The following HELB variants were observed in gnomAD, a reference collection of about 807,000 sequenced individuals.
The protein encoded by HELB is DNA 5'-3' helicase B.
Under a neutral mutation model 101.7 loss-of-function variants are expected in HELB, and 96 were observed. The observed-to-expected ratio is 0.94, with a 90% CI of 0.80 to 1.12. The LOEUF (loss-of-function observed/expected upper bound fraction) is 1.12. HELB is among the 50% of genes most tolerant of loss of function. The pLI, the probability that HELB is intolerant of heterozygous loss-of-function variation, is 0.00. For synonymous variants in HELB, 437 were observed against 459.7 expected, an observed-to-expected ratio of 0.95 and a Z score of 0.63; for missense variants, 1,210 against 1,291.9, an observed-to-expected ratio of 0.94 and a Z score of 0.97.
At chr12:66,326,575 G>C (rs765456942) in intron 11 of HELB, among the ~76,000 whole-genome samples, 41 of 152,110 alleles carry the variant, frequency 2.7e-4, no homozygotes, top group Non-Finnish European at 5.1e-4. Context: ...ATTTAGGTCA[G>C]CCCAAATTTT....
intron 9 of HELB, 90 bp downstream of exon 9, chr12:66,322,873 A>G: frequency 1.3e-6 from 1 of 756,400 alleles, no homozygotes; most frequent in South Asian, 1.8e-5. Context: ...TCACCTATTT[A>G]CATATATTCC....
chr12:66,324,697 A>G (rs1326824929), intron 10 of HELB, among the ~76,000 whole-genome samples: 3 of 152,238 alleles, frequency 2.0e-5, no homozygotes, highest in African/African-American at 7.2e-5. Context: ...AGTCAATACA[A>G]GAAATGAATG....
In HELB at chr12:66,325,133, G is replaced by A. The variant is rs1290591623; in HGVS notation, c.2670+7G>A. On this transcript the variant is annotated splice_region_variant and intron_variant, in intron 11 of 12. Transcript: ENST00000247815. ...AACTATTCACACTTTTCAGGTAAGA[G>A]GAGACTTTTATCAAACCTTTTAAAT... The A allele has an allele frequency of 1.9e-6, 3 of 1,571,204 alleles. No individual in the cohort carries two copies. The highest frequency in any genetic ancestry group is 2.7e-5 in the African/African-American group (2 of 73,548).
chr12:66,320,967 A>G (rs1292257569), intron 7 of HELB, among the ~76,000 whole-genome samples: 1 of 152,228 alleles, frequency 6.6e-6, no homozygotes, highest in African/African-American at 2.4e-5. Context: ...TAAAAAGAAC[A>G]GTATGCTGGG....
intron 4 of HELB, among the ~76,000 whole-genome samples, chr12:66,312,197 C>G (rs569825010): frequency 6.6e-6 from 1 of 152,298 alleles, no homozygotes; most frequent in South Asian, 2.1e-4. Context: ...AAACATTTTG[C>G]CTAAGATCTC....
downstream of HELB, chr12:66,340,579 G>C (rs1480058600): frequency 6.7e-6 from 1 of 149,844 alleles, no homozygotes; most frequent in Non-Finnish European, 1.3e-5. Context: ...GGGTACCCTA[G>C]AGGGATACAA....
At chr12:66,318,532 A>G (rs1194224434) in intron 6 of HELB, 106 bp from the exon 7 acceptor site, 16 of 1,008,248 alleles carry the variant, frequency 1.6e-5, no homozygotes, top group Non-Finnish European at 2.2e-5. Flanking sequence ...TCTCTCTGTT[A>G]TCTATTAATA....
At position 66,302,511 on chromosome 12, in the gene HELB, G is replaced by A; in HGVS notation, c.-93G>A. The A allele has an allele frequency of 8.5e-7, 1 of 1,177,830 alleles. No individual in the cohort carries two copies. The highest frequency in any genetic ancestry group is 1.2e-6 in the Non-Finnish European group (1 of 849,562). 73.0% of individuals were successfully genotyped at this position (1,177,830 alleles called of 1,614,324 possible). A position where few individuals can be genotyped will look rare whatever the true frequency, so the allele number is the denominator to read the frequency against. On this transcript the variant is annotated 5_prime_UTR_variant, in exon 1 of 13. Transcript: ENST00000247815. The stretch of plus-strand genomic sequence containing the variant: ...GGCCGCCAGGCCGTTCCCGGAAGTT[G>A]ATGGCCTTACAGTCGTAGAACTGAT...
At chr12:66,333,988 C>G (rs1217420181) in intron 12 of HELB, among the ~76,000 whole-genome samples, 1 of 151,778 alleles carries the variant, frequency 6.6e-6, no homozygotes, top group Non-Finnish European at 1.5e-5. Context: ...GGTGAACCCC[C>G]ATCTCTACTA....
chr12:66,320,288 C>A (rs1229438792), intron 7 of HELB, among the ~76,000 whole-genome samples: 2 of 152,130 alleles, frequency 1.3e-5, no homozygotes, highest in African/African-American at 2.4e-5. Flanking sequence ...CCAGGACAAT[C>A]CCATTAAGGT....
downstream of HELB, chr12:66,342,018 G>A (rs969325612): frequency 6.6e-6 from 1 of 152,172 alleles, no homozygotes; most frequent in Non-Finnish European, 1.5e-5. Flanking sequence ...GATGACCAGT[G>A]TATCTGTTTT....
intron 12 of HELB, among the ~76,000 whole-genome samples, chr12:66,333,666 A>G (rs1228980061): frequency 6.6e-6 from 1 of 152,174 alleles, no homozygotes; most frequent in Admixed American, 6.5e-5. Flanking sequence ...CATGGGCAAC[A>G]AGAGCAAAAC....
At chr12:66,311,917 C>A (rs773092138) in intron 4 of HELB, among the ~76,000 whole-genome samples, 12 of 152,092 alleles carry the variant, frequency 7.9e-5, no homozygotes, top group Non-Finnish European at 1.6e-4. Context: ...AACATGGAGA[C>A]TCAGGTGAGG....
At chr12:66,323,680 G>T (rs375465085) in intron 9 of HELB, among the ~76,000 whole-genome samples, 1 of 152,176 alleles carries the variant, frequency 6.6e-6, no homozygotes, top group Non-Finnish European at 1.5e-5. Flanking sequence ...ATCAAAATTT[G>T]TGTTAACCTT....
chr12:66,324,928 T>C, intron 10 of HELB, 55 bp from the exon 11 acceptor site: 4 of 1,598,902 alleles, frequency 2.5e-6, no homozygotes, highest in Non-Finnish European at 3.4e-6. Context: ...TTGAACGTAT[T>C]TGAACGTAGA....
chr12:66,313,005 T>C (rs530023009), intron 4 of HELB, among the ~76,000 whole-genome samples: 2 of 152,276 alleles, frequency 1.3e-5, no homozygotes, highest in African/African-American at 4.8e-5. Context: ...CTGGTAGCAC[T>C]AGAAATACAG....
chr12:66,302,816 TG>T, intron 1 of HELB, 26 bp downstream of exon 1: 1 of 1,579,910 alleles, frequency 6.3e-7, no homozygotes, highest in South Asian at 1.1e-5. Context: ...GCCCGGGGGA[TG>T]GGGTTGGAGG....
intron 7 of HELB, 32 bp from the exon 8 acceptor site, chr12:66,321,916 G>T: frequency 1.3e-6 from 1 of 796,416 alleles, no homozygotes; most frequent in Non-Finnish European, 2.1e-6. Context: ...TTGGTGATTT[G>T]CTGTGTTAAC....
At chr12:66,317,277 G>C (rs924553045) in intron 6 of HELB, among the ~76,000 whole-genome samples, 1 of 152,152 alleles carries the variant, frequency 6.6e-6, no homozygotes, top group Admixed American at 6.5e-5. Context: ...GCCATACTTG[G>C]CCTCATGGCT....
Sources: allele counts gnomAD v4.1 joint callset (sites outside exome capture counted in the v4.1 genomes callset), GRCh38; gene constraint gnomAD v4.1.1; transcripts MANE v1.5; gene names NCBI Gene and HGNC (gene_info 2026-07-23, HGNC 2026-07-21).